FGF13: variants seen among roughly 807,000 people sequenced by gnomAD.
FGF13 encodes fibroblast growth factor 13, also known as fibroblast growth factor homologous factor 2.
Under a neutral mutation model 19.5 loss-of-function variants are expected in FGF13, and 2 were observed. The ratio of observed to expected loss-of-function variants is 0.10; its 90% CI spans 0.04 to 0.32. The LOEUF (loss-of-function observed/expected upper bound fraction) is 0.32, where lower values mean the gene tolerates loss of function less well. Ranked by LOEUF, FGF13 falls within the 10% of genes least tolerant of loss-of-function variation. The pLI is 1.00. For synonymous variants in FGF13, 72 were observed against 76.9 expected (o/e 0.94, Z 0.33); for missense variants, 113 against 192.7 (o/e 0.59, Z 2.45).
intron 1 of FGF13, among the ~76,000 whole-genome samples, chrX:138,882,522 A>C (rs1179298930): frequency 3.6e-5 from 4 of 111,847 alleles, no homozygotes; most frequent in Non-Finnish European, 7.5e-5. Flanking sequence ...AAGGAGCCCC[A>C]AATTATTCAG....
chrX:138,665,445 C>G (rs2089532371), intron 3 of FGF13, among the ~76,000 whole-genome samples: 1 of 111,419 alleles, frequency 9.0e-6, no homozygotes, highest in Middle Eastern at 4.6e-3. Context: ...GTTTCCTGTG[C>G]CTTTTAAGCA....
At chrX:138,873,875 C>A (rs937512710) in intron 1 of FGF13, among the ~76,000 whole-genome samples, 9 of 108,887 alleles carry the variant, frequency 8.3e-5, no homozygotes, top group Admixed American at 3.0e-4. Flanking sequence ...AAAGTGGAAA[C>A]CATCATTCTC....
intron 1 of FGF13, among the ~76,000 whole-genome samples, chrX:139,094,107 C>T (rs868362333): frequency 2.1e-4 from 23 of 111,368 alleles, no homozygotes; most frequent in African/African-American, 5.9e-4. Flanking sequence ...TCATACAGGC[C>T]GTCTCTAGTG....
chrX:138,798,335 A>G (rs1266126952), intron 3 of FGF13, among the ~76,000 whole-genome samples: 1 of 111,669 alleles, frequency 9.0e-6, no homozygotes, highest in Non-Finnish European at 1.9e-5. Flanking sequence ...GGTTTTTGTC[A>G]TTGGATCTGT....
intron 1 of FGF13, among the ~76,000 whole-genome samples, chrX:139,110,406 C>T (rs903393490): frequency 2.7e-5 from 3 of 110,004 alleles, no homozygotes; most frequent in Admixed American, 9.7e-5. Context: ...AATTGAATCA[C>T]GGGGGCGGTT....
At chrX:138,725,854 T>A (rs1219401488) in intron 1 of FGF13, among the ~76,000 whole-genome samples, 1 of 111,652 alleles carries the variant, frequency 9.0e-6, no homozygotes, top group East Asian at 2.8e-4. Flanking sequence ...TTTGCAAAAG[T>A]AAGGACTAGG....
intron 1 of FGF13, among the ~76,000 whole-genome samples, chrX:138,868,379 CGTGT>C (rs779744839): frequency 3.7e-5 from 4 of 107,832 alleles, no homozygotes; most frequent in Non-Finnish European, 7.7e-5. Context: ...TGTGTGTGTG[CGTGT>C]GTGTGTGTGT....
intron 1 of FGF13, among the ~76,000 whole-genome samples, chrX:138,911,071 A>G (rs1360486924): frequency 9.0e-6 from 1 of 111,153 alleles, no homozygotes; most frequent in Non-Finnish European, 1.9e-5. Context: ...TGCTGGGATA[A>G]CTAACATATC....
At chrX:139,064,564 C>A (rs372227853) in intron 1 of FGF13, among the ~76,000 whole-genome samples, 1 of 111,094 alleles carries the variant, frequency 9.0e-6, no homozygotes, top group Non-Finnish European at 1.9e-5. Flanking sequence ...TAAAATACAA[C>A]ACTGTGGGTA....
chrX:138,681,132 C>T (rs901996700), intron 3 of FGF13, among the ~76,000 whole-genome samples: 25 of 103,884 alleles, frequency 2.4e-4, no homozygotes, highest in Non-Finnish European at 3.9e-4. Context: ...CAATATTATG[C>T]CACTGCACTC....
At chrX:139,119,280 G>A (rs998879403) in intron 1 of FGF13, among the ~76,000 whole-genome samples, 21 of 112,000 alleles carry the variant, frequency 1.9e-4, no homozygotes, top group African/African-American at 4.2e-4. Context: ...CTTGCAGTCC[G>A]CCAATAATAA....
At chrX:138,932,457 T>C (rs2124260884) in intron 1 of FGF13, among the ~76,000 whole-genome samples, 1 of 102,279 alleles carries the variant, frequency 9.8e-6, no homozygotes, top group African/African-American at 3.5e-5. Flanking sequence ...CACACGCCTG[T>C]AATCCCAGCT....
chrX:139,149,508 A>C (rs2083916046), intron 1 of FGF13, among the ~76,000 whole-genome samples: 1 of 112,332 alleles, frequency 8.9e-6, no homozygotes, highest in African/African-American at 3.2e-5. Flanking sequence ...ACTGTGTTTA[A>C]GTTTAGAATG....
intron 1 of FGF13, among the ~76,000 whole-genome samples, chrX:139,126,540 G>GA (rs2083717763): frequency 9.0e-6 from 1 of 111,584 alleles, no homozygotes; most frequent in African/African-American, 3.3e-5. Flanking sequence ...GCATGGCCTG[G>GA]AAAATGGTAC....
At chrX:138,923,395 A>G (rs902471860) in intron 1 of FGF13, among the ~76,000 whole-genome samples, 5 of 112,246 alleles carry the variant, frequency 4.5e-5, no homozygotes, top group Non-Finnish European at 7.5e-5. Context: ...AAAGGATCAA[A>G]CGGAATATAT....
At chrX:138,984,588 A>AAGAAGAAGAAGAAGAAGAAGGAGG (rs2091982501) in intron 1 of FGF13, among the ~76,000 whole-genome samples, 5 of 11,513 alleles carry the variant, frequency 4.3e-4, no homozygotes, top group East Asian at 2.5e-3. Flanking sequence ...GAAGAAGAAG[A>AAGAAGAAGAAGAAGAAGAAGGAGG]AGGAGGAGGA....
At chrX:139,014,320 G>C (rs905580324) in intron 1 of FGF13, among the ~76,000 whole-genome samples, 1 of 111,305 alleles carries the variant, frequency 9.0e-6, no homozygotes, top group Non-Finnish European at 1.9e-5. Context: ...AAAACTAAAA[G>C]TTGGTGTTTT....
At chrX:139,050,273 A>C (rs1372402642) in intron 1 of FGF13, among the ~76,000 whole-genome samples, 1 of 111,953 alleles carries the variant, frequency 8.9e-6, no homozygotes, top group African/African-American at 3.2e-5. Flanking sequence ...TTCTTTCTCC[A>C]GTCTTAATCA....
chrX:138,766,349 A>G (rs948432317), intron 3 of FGF13, among the ~76,000 whole-genome samples: 1 of 111,944 alleles, frequency 8.9e-6, no homozygotes, highest in Non-Finnish European at 1.9e-5. Flanking sequence ...TTTAGAGGAC[A>G]TCAACTTTAC....
Sources: allele counts gnomAD v4.1 joint callset (sites outside exome capture counted in the v4.1 genomes callset), GRCh38; gene constraint gnomAD v4.1.1; transcripts MANE v1.5; gene names NCBI Gene and HGNC (gene_info 2026-07-23, HGNC 2026-07-21).